Variants in ELFN2 observed in about 807,000 individuals in gnomAD.
The protein encoded by ELFN2 is protein phosphatase 1 regulatory subunit 29.
In ELFN2, 17 loss-of-function variants were observed where a neutral mutation model predicts 45.5. That is an observed-to-expected ratio of 0.37 (90% CI 0.26 to 0.56). The LOEUF is 0.56. Ranked by LOEUF, ELFN2 falls within the 20% of genes least tolerant of loss-of-function variation. The probability of loss-of-function intolerance (pLI) is 0.77; values close to 1 mark genes in which losing one functional copy is unlikely to be tolerated. For missense variants in ELFN2, 922 were observed against 1,183.2 expected, an observed-to-expected ratio of 0.78 and a Z score of 3.24; for synonymous variants, 550 against 551.5, an observed-to-expected ratio of 1.00 and a Z score of 0.04.
chr22:37,348,278 G>A (rs1044710800), intron 1 of ELFN2, among the ~76,000 whole-genome samples: 1 of 152,220 alleles, frequency 6.6e-6, no homozygotes, highest in Non-Finnish European at 1.5e-5. Flanking sequence ...GGGGCTAGGG[G>A]TGCCAGGTGA....
rs142413918 is a variant in ELFN2, at chr22:37,374,104, G to A, written c.1431C>T (p.Ile477=). 37 of 1,612,946 alleles carry A rather than the reference G, an allele frequency of 2.3e-5. No homozygotes were observed. The highest frequency in any genetic ancestry group is 6.7e-5 in the Admixed American group (4 of 60,008). Residue 477 remains isoleucine (I), a synonymous_variant, in exon 3 of 3, where the codon ATC becomes ATT. Transcript: ENST00000402918. ...CCTTGGCGGTGGGCAGCTTCTCCCC[G>A]ATCATGGAGGGGATGGAGGCCATGC... The part of the protein sequence containing the change: ...VSRMASIPSM[I]GEKLPTAKGL...
In ELFN2 at chr22:37,373,527, G is replaced by C. The variant is rs769989620; in HGVS notation, c.2008C>G (p.Leu670Val). ...DSKYIEKGSP[L>V]NSPLDRLPLV... The stretch of plus-strand genomic sequence containing the variant: ...GGGAGCCGGTCCAGCGGGCTGTTGA[G>C]GGGGCTGCCCTTCTCGATGTACTTG... The change falls in exon 3 of 3, where the codon CTC (leucine) becomes GTC (valine). Residue 670 changes from leucine to valine, a missense_variant. By Grantham distance (32) the Leu-to-Val change is conservative. This residue lies in a region of ELFN2 where 564 missense variants were observed against 642.8 expected (regional missense o/e 0.88). Coordinates refer to ENST00000402918, the MANE Select transcript of ELFN2 (RefSeq NM_052906.5). 1 of 1,574,772 alleles carries C rather than the reference G, an allele frequency of 6.4e-7. No individual in the cohort carries two copies. The highest frequency in any genetic ancestry group is 1.1e-5 in the South Asian group (1 of 86,984).
At chr22:37,382,933 A>G (rs1490896193) in intron 2 of ELFN2, among the ~76,000 whole-genome samples, 1 of 152,158 alleles carries the variant, frequency 6.6e-6, no homozygotes, top group Non-Finnish European at 1.5e-5. Context: ...GCTTCTGTTC[A>G]TGGGTGCCAC....
At chr22:37,380,168 C>T (rs912333206) in intron 2 of ELFN2, among the ~76,000 whole-genome samples, 1 of 152,242 alleles carries the variant, frequency 6.6e-6, no homozygotes. Context: ...GCCCCCACTG[C>T]ACTGCGGCGT....
chr22:37,380,150 C>T (rs761209812), intron 2 of ELFN2, among the ~76,000 whole-genome samples: 2 of 152,238 alleles, frequency 1.3e-5, no homozygotes, highest in Non-Finnish European at 2.9e-5. Flanking sequence ...ACCCCGGACC[C>T]GGGGAGAGCC....
chr22:37,410,234 G>A (rs1932612476), intron 2 of ELFN2, among the ~76,000 whole-genome samples: 1 of 152,074 alleles, frequency 6.6e-6, no homozygotes, highest in East Asian at 1.9e-4. Context: ...GAGAGAAACA[G>A]AACGAATGAG....
At chr22:37,346,867 C>A (rs1436385100) in intron 1 of ELFN2, among the ~76,000 whole-genome samples, 1 of 152,178 alleles carries the variant, frequency 6.6e-6, no homozygotes, top group African/African-American at 2.4e-5. Flanking sequence ...CACCAGCCCC[C>A]AGTCCCCTCA....
intron 2 of ELFN2, among the ~76,000 whole-genome samples, chr22:37,397,723 G>A (rs1385399672): frequency 6.6e-6 from 1 of 151,918 alleles, no homozygotes; most frequent in East Asian, 1.9e-4. Flanking sequence ...CCTGAACCCA[G>A]AGATCGGCAT....
rs540689043 is a variant in ELFN2 at position 37,409,772 on chromosome 22, G to A, written c.-463+7997C>T. 3.9e-5 allele frequency among the ~76,000 whole-genome samples: 6 copies of A among 152,304 alleles called. No homozygotes were observed. The South Asian group carries it at 8.3e-4, about 21-fold the overall frequency. On this transcript the variant is annotated intron_variant, in intron 2 of 2. Coordinates refer to ENST00000402918, the MANE Select transcript of ELFN2 (RefSeq NM_052906.5). Reference sequence around the variant, plus strand: ...AGTGGATTAGGACCCAGGTCCCGCCGCACCCCTGAGAAGGGTGCTCAGGGT... The same window carrying A: ...AGTGGATTAGGACCCAGGTCCCGCCACACCCCTGAGAAGGGTGCTCAGGGT...
At position 37,374,182 on chromosome 22, in the gene ELFN2, G is replaced by C; in HGVS notation, c.1353C>G (p.Ser451=). ...CCAGCTTCTGGGCGGCGTGCACAATGGAGCCGGCATCCACATCAGCCCCGT... is the reference window on the plus strand; with the variant it reads ...CCAGCTTCTGGGCGGCGTGCACAATCGAGCCGGCATCCACATCAGCCCCGT... ...MRYGADVDAG[S]IVHAAQKLGE... The change falls in exon 3 of 3, where the codon TCC becomes TCG. Residue 451 remains serine (S), a synonymous_variant. Transcript: ENST00000402918. 1 of 1,613,396 alleles carries C rather than the reference G, an allele frequency of 6.2e-7. No individual in the cohort carries two copies. The highest frequency in any genetic ancestry group is 8.5e-7 in the Non-Finnish European group (1 of 1,180,024).
intron 2 of ELFN2, among the ~76,000 whole-genome samples, chr22:37,376,351 C>T (rs1176242877): frequency 6.6e-6 from 1 of 152,002 alleles, no homozygotes; most frequent in Admixed American, 6.6e-5. Context: ...GCACAGAGAC[C>T]CACATGCCCC....
rs185993985 is a variant in ELFN2, at chr22:37,411,086, C to A, written c.-463+6683G>T. 2.0e-5 allele frequency among the ~76,000 whole-genome samples: 3 copies of A among 152,332 alleles called. No individual in the cohort carries two copies. The East Asian group carries it at 5.8e-4, about 29-fold the overall frequency. On this transcript the variant is annotated intron_variant, in intron 2 of 2. Transcript: ENST00000402918. Reference sequence around the variant, plus strand: ...CGTAGCACCAAGTGCTTCATAGTGTCACCCTTGGGTGGTGGGCACTACTTT... The same window carrying A: ...CGTAGCACCAAGTGCTTCATAGTGTAACCCTTGGGTGGTGGGCACTACTTT...
At chr22:37,352,878 A>G (rs1930856754) in intron 1 of ELFN2, among the ~76,000 whole-genome samples, 1 of 150,844 alleles carries the variant, frequency 6.6e-6, no homozygotes, top group African/African-American at 2.4e-5. Context: ...CGATCTTGCT[A>G]CTTCTGGCTG....
intron 2 of ELFN2, among the ~76,000 whole-genome samples, chr22:37,394,631 G>A (rs1456243302): frequency 2.0e-5 from 3 of 152,196 alleles, no homozygotes; most frequent in African/African-American, 4.8e-5. Context: ...GAGCGATCCC[G>A]CAGCTTAAAG....
downstream of ELFN2, among the ~76,000 whole-genome samples, chr22:37,365,575 G>A (rs1931184917): frequency 6.6e-6 from 1 of 152,134 alleles, no homozygotes. Flanking sequence ...GGAAAAGGAG[G>A]AAGAACTTAT....
At chr22:37,342,046 G>A (rs1435309442) in intron 2 of ELFN2, among the ~76,000 whole-genome samples, 1 of 151,964 alleles carries the variant, frequency 6.6e-6, no homozygotes, top group Non-Finnish European at 1.5e-5. Context: ...TGCCATCTGT[G>A]TTAGTCACCC....
rs1932862021 is a variant in ELFN2, at chr22:37,427,400, T to C, written c.-716A>G. The C allele has an allele frequency of 6.6e-6, 1 of 152,340 alleles. No homozygotes were observed. Among genetic ancestry groups the C allele is most frequent in the South Asian group, 2.1e-4 (1 of 4,806 alleles). 9.4% of individuals were successfully genotyped at this position (152,340 alleles called of 1,614,324 possible). A position where few individuals can be genotyped will look rare whatever the true frequency, so the allele number is the denominator to read the frequency against. Reference sequence around the variant, plus strand: ...GTGTGAATGTGAGTGTGAGCGCGGGTGTGGGTGCGGGGTGCGTGGCCGTGG... The same window carrying C: ...GTGTGAATGTGAGTGTGAGCGCGGGCGTGGGTGCGGGGTGCGTGGCCGTGG... On this transcript the variant is annotated 5_prime_UTR_variant, in exon 1 of 3. Transcript: ENST00000402918.
intron 1 of ELFN2, among the ~76,000 whole-genome samples, chr22:37,355,326 C>G (rs915030551): frequency 6.6e-6 from 1 of 152,232 alleles, no homozygotes; most frequent in Non-Finnish European, 1.5e-5. Context: ...CCTCATAGGT[C>G]GGCCTCAGCA....
At chr22:37,390,507 C>A (rs1348001820) in intron 2 of ELFN2, among the ~76,000 whole-genome samples, 2 of 152,224 alleles carry the variant, frequency 1.3e-5, no homozygotes, top group South Asian at 4.1e-4. Flanking sequence ...AGCCCCAGAG[C>A]TGTGAAGGGA....
Sources: allele counts gnomAD v4.1 joint callset (sites outside exome capture counted in the v4.1 genomes callset), GRCh38; gene constraint gnomAD v4.1.1; regional missense constraint gnomAD v4.1.1; transcripts MANE v1.5; gene names NCBI Gene and HGNC (gene_info 2026-07-23, HGNC 2026-07-21).